PIGU: variants seen among roughly 807,000 people sequenced by gnomAD.
PIGU encodes GPI-anchor transamidase component PIGU.
Under a neutral mutation model 49.9 loss-of-function variants are expected in PIGU, and 24 were observed. The observed-to-expected ratio is 0.48, with a 90% CI of 0.35 to 0.68. PIGU has a LOEUF of 0.68. Ranked by LOEUF, PIGU falls within the 30% of genes least tolerant of loss-of-function variation. The pLI, the probability that PIGU is intolerant of heterozygous loss-of-function variation, is 0.01. For synonymous variants in PIGU, 220 were observed against 205.7 expected (o/e 1.07, Z -0.59); for missense variants, 490 against 532.6 (o/e 0.92, Z 0.79).
intron 11 of PIGU, among the ~76,000 whole-genome samples, chr20:34,573,395 A>T (rs764574737): frequency 1.1e-4 from 17 of 152,262 alleles, no homozygotes; most frequent in Non-Finnish European, 2.4e-4. Flanking sequence ...ATGGCACCTG[A>T]CCACTTGCAG....
At chr20:34,619,033 T>C (rs557367445) in intron 6 of PIGU, among the ~76,000 whole-genome samples, 2 of 152,308 alleles carry the variant, frequency 1.3e-5, no homozygotes, top group South Asian at 2.1e-4. Flanking sequence ...GAAAAGAACT[T>C]TGTGTGCTTT....
chr20:34,649,986 C>A (rs928030776), intron 2 of PIGU, among the ~76,000 whole-genome samples: 2 of 151,532 alleles, frequency 1.3e-5, no homozygotes, highest in African/African-American at 4.9e-5. Flanking sequence ...GTAGCAGGGA[C>A]TACAGGCGCC....
chr20:34,672,559 C>CA (rs889476755), intron 1 of PIGU, among the ~76,000 whole-genome samples: 7 of 149,790 alleles, frequency 4.7e-5, no homozygotes, highest in South Asian at 2.1e-4. Flanking sequence ...TGCACTTATT[C>CA]AAAAAAAAAG....
At chr20:34,582,219 G>A (rs1983506115) in intron 9 of PIGU, among the ~76,000 whole-genome samples, 2 of 152,172 alleles carry the variant, frequency 1.3e-5, no homozygotes, top group African/African-American at 2.4e-5. Context: ...CAGTTCTTAA[G>A]GGCTGGGACT....
intron 7 of PIGU, among the ~76,000 whole-genome samples, chr20:34,603,648 C>T (rs939595814): frequency 2.0e-5 from 3 of 152,096 alleles, no homozygotes; most frequent in Non-Finnish European, 2.9e-5. Flanking sequence ...CAAGATGACT[C>T]CAGTAGACTT....
intron 10 of PIGU, among the ~76,000 whole-genome samples, chr20:34,581,175 G>A (rs939151866): frequency 9.9e-5 from 15 of 152,116 alleles, no homozygotes; most frequent in African/African-American, 3.4e-4. Context: ...TTCCAATCCC[G>A]GCTCTTCTAA....
At chr20:34,626,972 C>A (rs1421481030) in intron 6 of PIGU, among the ~76,000 whole-genome samples, 1 of 151,846 alleles carries the variant, frequency 6.6e-6, no homozygotes, top group Non-Finnish European at 1.5e-5. Flanking sequence ...ATATAACTTG[C>A]AGAAGTTATA....
intron 11 of PIGU, among the ~76,000 whole-genome samples, chr20:34,565,574 T>C (rs1982713826): frequency 6.6e-6 from 1 of 152,096 alleles, no homozygotes; most frequent in African/African-American, 2.4e-5. Flanking sequence ...CTCTAGTCTT[T>C]GTGCCAGTTA....
At chr20:34,565,883 A>G (rs955078463) in intron 11 of PIGU, among the ~76,000 whole-genome samples, 3 of 146,744 alleles carry the variant, frequency 2.0e-5, no homozygotes, top group Non-Finnish European at 4.5e-5. Flanking sequence ...CATGCTTGCA[A>G]TGCTTAGACA....
chr20:34,601,813 CTGTG>C (rs982857440), intron 7 of PIGU, among the ~76,000 whole-genome samples: 21 of 152,206 alleles, frequency 1.4e-4, no homozygotes, highest in African/African-American at 5.1e-4. Flanking sequence ...ACCACCCAGT[CTGTG>C]TGTATAACTC....
Position 34,656,226 on chromosome 20 carries a change from C to T in PIGU, c.195+954G>A, listed in dbSNP as rs1986692161. Among the ~76,000 whole-genome samples the T allele has an allele frequency of 1.7e-5, 2 of 117,466 alleles. 1 individual carries two copies. The highest frequency in any genetic ancestry group is 3.6e-5 in the Non-Finnish European group (2 of 55,718). The allele number at this position is 117,466 out of a possible 152,430, so 77.1% of individuals were successfully genotyped here. On this transcript the variant is annotated intron_variant, in intron 2 of 11. Coordinates refer to ENST00000217446, the MANE Select transcript of PIGU (RefSeq NM_080476.5). Reference sequence around the variant, plus strand: ...TGACCTCGTGATCCACTTGCGTTGGCCTCCCAAAGTGCTGGGATTACAGGT... The same window carrying T: ...TGACCTCGTGATCCACTTGCGTTGGTCTCCCAAAGTGCTGGGATTACAGGT...
At chr20:34,622,348 C>G (rs1261060255) in intron 6 of PIGU, among the ~76,000 whole-genome samples, 1 of 151,972 alleles carries the variant, frequency 6.6e-6, no homozygotes, top group Non-Finnish European at 1.5e-5. Flanking sequence ...GAAGCCCCAT[C>G]TCTACTAAAA....
At chr20:34,641,399 G>A (rs1433421028) in intron 4 of PIGU, among the ~76,000 whole-genome samples, 2 of 152,100 alleles carry the variant, frequency 1.3e-5, no homozygotes, top group African/African-American at 4.8e-5. Flanking sequence ...ATCATATTAA[G>A]GGGACACAGG....
Position 34,657,179 on chromosome 20 carries a change from C to T in PIGU, c.195+1G>A, listed in dbSNP as rs1422392876. The T allele has an allele frequency of 1.9e-6, 3 of 1,606,750 alleles. No individual in the cohort carries two copies. The highest frequency in any genetic ancestry group is 1.1e-5 in the South Asian group (1 of 90,788). On this transcript the variant is annotated splice_donor_variant, in intron 2 of 11. Coordinates refer to ENST00000217446, the MANE Select transcript of PIGU (RefSeq NM_080476.5). LOFTEE classifies it high-confidence loss of function. The stretch of plus-strand genomic sequence containing the variant: ...CCAGAAAAGAAAATAAGAACACTTA[C>T]TTCATGAAATACTGCTCCAGAATAC...
At chr20:34,637,335 G>A (rs776279013) in intron 5 of PIGU, among the ~76,000 whole-genome samples, 43 of 152,164 alleles carry the variant, frequency 2.8e-4, no homozygotes, top group Non-Finnish European at 5.4e-4. Context: ...AAGATAAATG[G>A]GAATAACCCA....
chr20:34,583,675 C>T (rs1187316286), intron 9 of PIGU, among the ~76,000 whole-genome samples: 2 of 152,232 alleles, frequency 1.3e-5, no homozygotes, highest in Admixed American at 1.3e-4. Flanking sequence ...CACCCCATGG[C>T]TGGGCCTAAC....
chr20:34,634,522 TA>T (rs140906518), intron 6 of PIGU, 92 bp downstream of exon 6: 2,692 of 1,197,006 alleles, frequency 2.2e-3, no homozygotes, highest in South Asian at 3.4e-3. Flanking sequence ...AGTGTTGCAT[TA>T]AAAAAAAAAC....
intron 1 of PIGU, among the ~76,000 whole-genome samples, chr20:34,674,778 A>G (rs1987441471): frequency 1.3e-5 from 2 of 151,768 alleles, no homozygotes; most frequent in Admixed American, 1.3e-4. Flanking sequence ...AATACAAAAA[A>G]ATAATAATAA....
intron 6 of PIGU, among the ~76,000 whole-genome samples, chr20:34,626,303 CT>C (rs368354750): frequency 9.9e-4 from 136 of 137,926 alleles, no homozygotes; most frequent in Non-Finnish European, 9.1e-4. Flanking sequence ...AAACTCCAAA[CT>C]TTTTTTTTTT....
Sources: allele counts gnomAD v4.1 joint callset (sites outside exome capture counted in the v4.1 genomes callset), GRCh38; gene constraint gnomAD v4.1.1; transcripts MANE v1.5; gene names NCBI Gene and HGNC (gene_info 2026-07-23, HGNC 2026-07-21).